The following ZNF892 variants were observed in gnomAD, a reference collection of about 807,000 sequenced individuals.
ZNF892 encodes the protein zinc finger protein 570-like.
the ZNF892 span, among the ~76,000 whole-genome samples, chr2:95,210,973 A>G: frequency 6.6e-6 from 1 of 152,120 alleles, no homozygotes; most frequent in Non-Finnish European, 1.5e-5. Flanking sequence ...AAAGGGGCTA[A>G]CGGGAATAGG....
the ZNF892 span, among the ~76,000 whole-genome samples, chr2:95,244,044 C>G: frequency 6.6e-6 from 1 of 150,932 alleles, no homozygotes; most frequent in African/African-American, 2.4e-5. Context: ...GACCTTACCC[C>G]CAACCCTGTG....
the ZNF892 span, among the ~76,000 whole-genome samples, chr2:95,225,965 G>T: frequency 7.9e-5 from 12 of 152,200 alleles, no homozygotes; most frequent in Non-Finnish European, 1.6e-4. Flanking sequence ...AGTTCACACA[G>T]AAGCTCTCAT....
the ZNF892 span, among the ~76,000 whole-genome samples, chr2:95,240,265 A>G: frequency 6.6e-6 from 1 of 152,230 alleles, no homozygotes; most frequent in Non-Finnish European, 1.5e-5. Context: ...CCAGGTTCTC[A>G]CATTGGGAGT....
the ZNF892 span, among the ~76,000 whole-genome samples, chr2:95,221,478 G>A: frequency 3.4e-4 from 51 of 152,094 alleles, no homozygotes; most frequent in African/African-American, 1.2e-3. Flanking sequence ...GGGGGAGTTT[G>A]TGTCCCTTGA....
At chr2:95,223,581 T>C in the ZNF892 span, among the ~76,000 whole-genome samples, 1 of 152,102 alleles carries the variant, frequency 6.6e-6, no homozygotes, top group East Asian at 1.9e-4. Context: ...TTGCATCTTT[T>C]GTAGAAATGG....
chr2:95,215,352 A>G, the ZNF892 span: 52 of 462,166 alleles, frequency 1.1e-4, no homozygotes, highest in Non-Finnish European at 7.7e-5. Flanking sequence ...GAGAACACAC[A>G]CTGGAGAGAA....
chr2:95,216,633 T>C, the ZNF892 span, among the ~76,000 whole-genome samples: 1 of 152,214 alleles, frequency 6.6e-6, no homozygotes, highest in Non-Finnish European at 1.5e-5. Context: ...ATTTTTTTCA[T>C]TGAAACTTTG....
the ZNF892 span, among the ~76,000 whole-genome samples, chr2:95,251,292 CTTATTCACTTTT>C: frequency 6.6e-6 from 1 of 152,120 alleles, no homozygotes; most frequent in African/African-American, 2.4e-5. Context: ...TCACCTTGGC[CTTATTCACTTTT>C]TCCTTTCAGT....
the ZNF892 span, among the ~76,000 whole-genome samples, chr2:95,230,488 T>TA: frequency 1.3e-5 from 2 of 152,232 alleles, no homozygotes; most frequent in African/African-American, 4.8e-5. Context: ...TTTATCCATT[T>TA]AAAAAAATTC....
the ZNF892 span, among the ~76,000 whole-genome samples, chr2:95,219,774 T>C: frequency 6.6e-6 from 1 of 152,182 alleles, no homozygotes; most frequent in African/African-American, 2.4e-5. Context: ...TACTTTAAGT[T>C]GGTGTTGGAA....
the ZNF892 span, among the ~76,000 whole-genome samples, chr2:95,234,506 G>T: frequency 6.6e-6 from 1 of 152,114 alleles, no homozygotes; most frequent in Non-Finnish European, 1.5e-5. Context: ...CTTCCCACTC[G>T]GTCTGTTAGC....
the ZNF892 span, among the ~76,000 whole-genome samples, chr2:95,257,286 ACAGT>A: frequency 6.6e-6 from 1 of 152,108 alleles, no homozygotes; most frequent in Non-Finnish European, 1.5e-5. Flanking sequence ...TTTCCTTCTA[ACAGT>A]CAGGACCCTC....
chr2:95,208,633 T>C, the ZNF892 span: 1 of 398,626 alleles, frequency 2.5e-6, no homozygotes, highest in Non-Finnish European at 4.4e-6. Flanking sequence ...TCATGGCTCC[T>C]GTCTCCACTT....
the ZNF892 span, among the ~76,000 whole-genome samples, chr2:95,237,115 T>C: frequency 6.6e-6 from 1 of 152,058 alleles, no homozygotes; most frequent in African/African-American, 2.4e-5. Flanking sequence ...TTGTTGGATC[T>C]GTTATGGTCA....
At chr2:95,247,255 G>A in the ZNF892 span, among the ~76,000 whole-genome samples, 1 of 152,094 alleles carries the variant, frequency 6.6e-6, no homozygotes, top group Non-Finnish European at 1.5e-5. Flanking sequence ...TAAGCAATGG[G>A]GAAAGGACTC....
the ZNF892 span, among the ~76,000 whole-genome samples, chr2:95,233,477 T>A: frequency 4.6e-5 from 7 of 150,930 alleles, no homozygotes; most frequent in African/African-American, 1.5e-4. Flanking sequence ...ATGGAGACCA[T>A]CCTGGCTAAC....
At chr2:95,247,235 T>G in the ZNF892 span, among the ~76,000 whole-genome samples, 4 of 152,008 alleles carry the variant, frequency 2.6e-5, no homozygotes, top group East Asian at 7.7e-4. Flanking sequence ...TTCAACAAAG[T>G]TGACAAAAAT....
At chr2:95,258,353 G>A in the ZNF892 span, among the ~76,000 whole-genome samples, 8 of 152,314 alleles carry the variant, frequency 5.3e-5, no homozygotes, top group African/African-American at 1.9e-4. Context: ...GCCTGGAGTT[G>A]GATGGCACAA....
chr2:95,211,251 A>G, the ZNF892 span, among the ~76,000 whole-genome samples: 1 of 152,234 alleles, frequency 6.6e-6, no homozygotes, highest in African/African-American at 2.4e-5. Flanking sequence ...ACTATACCAT[A>G]AGGAAAATAC....
Sources: allele counts gnomAD v4.1 joint callset (sites outside exome capture counted in the v4.1 genomes callset), GRCh38; gene constraint gnomAD v4.1.1; transcripts MANE v1.5; gene names NCBI Gene and HGNC (gene_info 2026-07-23, HGNC 2026-07-21).